The following BLK variants were observed in gnomAD, a reference collection of about 807,000 sequenced individuals.
The protein encoded by BLK is tyrosine-protein kinase Blk.
In BLK, 64 loss-of-function variants were observed where a neutral mutation model predicts 61.8. The observed-to-expected ratio is 1.03, with a 90% CI of 0.85 to 1.27. The LOEUF (loss-of-function observed/expected upper bound fraction) is 1.27, where lower values mean the gene tolerates loss of function less well. BLK is among the 50% of genes most tolerant of loss of function. The pLI, the probability that BLK is intolerant of heterozygous loss-of-function variation, is 0.00. For missense variants in BLK, 853 were observed against 660.5 expected, an observed-to-expected ratio of 1.29 and a Z score of -3.19; for synonymous variants, 351 against 272.0, an observed-to-expected ratio of 1.29 and a Z score of -2.86.
intron 1 of BLK, among the ~76,000 whole-genome samples, chr8:11,527,848 G>A (rs1799723756): frequency 6.6e-6 from 1 of 151,990 alleles, no homozygotes; most frequent in African/African-American, 2.4e-5. Flanking sequence ...GACCAAATGG[G>A]GGAGTCAGAA....
chr8:11,528,540 G>T (rs1799763576), intron 1 of BLK, among the ~76,000 whole-genome samples: 1 of 152,112 alleles, frequency 6.6e-6, no homozygotes, highest in Admixed American at 6.5e-5. Context: ...CAATCCTGAG[G>T]TGTTAGCTAC....
chr8:11,543,184 C>G (rs372864179), intron 1 of BLK, 40 bp from the exon 2 acceptor site: 2 of 1,612,464 alleles, frequency 1.2e-6, no homozygotes, highest in Non-Finnish European at 1.7e-6. Context: ...TCTGAGGCCC[C>G]GCTCTCTCAT....
chr8:11,543,084 C>T lies in BLK; in HGVS notation c.-1-140C>T, dbSNP rs79673669. 13,002 of 1,339,298 alleles carry T rather than the reference C, an allele frequency of 9.7e-3. 140 individuals are homozygous for T. The highest frequency in any genetic ancestry group is 0.037 in the Middle Eastern group (150 of 4,074). The allele number at this position is 1,339,298 out of a possible 1,614,324, so 83.0% of individuals were successfully genotyped here. On this transcript the variant is annotated intron_variant, in intron 1 of 12. Coordinates refer to ENST00000259089, the MANE Select transcript of BLK (RefSeq NM_001715.3). ...TCACCCACCCGCTTCTACCCACGTT[C>T]TGACTTTGAGGTCTTTGCTGCACCC...
chr8:11,558,509 G>T, intron 10 of BLK: 1 of 379,006 alleles, frequency 2.6e-6, no homozygotes, highest in Non-Finnish European at 5.2e-6. Context: ...CCAGGCTGAT[G>T]GGCAGGCCTG....
rs116468407 is a variant in BLK, at chr8:11,507,496, T to A, written c.-2+12905T>A. ...AGACACCACCCACCCTGAGGGCTTT[T>A]GGGAGCTTTTAAAAGAAGGCAAGTC... On this transcript the variant is annotated intron_variant, in intron 1 of 12. Coordinates refer to ENST00000259089, the MANE Select transcript of BLK (RefSeq NM_001715.3). Among the ~76,000 whole-genome samples the A allele has an allele frequency of 7.6e-3, 1,157 of 152,312 alleles. 17 individuals are homozygous for A. Among genetic ancestry groups the A allele is most frequent in the African/African-American group, 0.027 (1,104 of 41,576 alleles).
chr8:11,555,295 G>T, intron 7 of BLK, 37 bp from the exon 8 acceptor site: 1 of 1,613,642 alleles, frequency 6.2e-7, no homozygotes, highest in Non-Finnish European at 8.5e-7. Context: ...TGGCTGCTCT[G>T]GTAACCCCCA....
intron 1 of BLK, among the ~76,000 whole-genome samples, chr8:11,531,401 G>T (rs181281176): frequency 6.6e-6 from 1 of 152,114 alleles, no homozygotes; most frequent in Non-Finnish European, 1.5e-5. Flanking sequence ...GGTCACGTTT[G>T]TATGCTTCTG....
At chr8:11,515,590 C>T in intron 1 of BLK, among the ~76,000 whole-genome samples, 1 of 152,300 alleles carries the variant, frequency 6.6e-6, no homozygotes, top group Non-Finnish European at 1.5e-5. Flanking sequence ...CTCTATTTCC[C>T]CCTTCCTTCC....
chr8:11,521,192 A>G (rs573192927), intron 1 of BLK, among the ~76,000 whole-genome samples: 2 of 152,334 alleles, frequency 1.3e-5, no homozygotes, highest in Non-Finnish European at 2.9e-5. Flanking sequence ...AAAATTTATT[A>G]TCTAATATTT....
intron 1 of BLK, among the ~76,000 whole-genome samples, chr8:11,498,173 C>A (rs548930166): frequency 1.3e-5 from 2 of 152,310 alleles, no homozygotes; most frequent in African/African-American, 2.4e-5. Flanking sequence ...CAGTGGGAGG[C>A]AAACAAGACA....
intron 1 of BLK, among the ~76,000 whole-genome samples, chr8:11,494,847 T>C (rs1215320591): frequency 6.6e-6 from 1 of 152,244 alleles, no homozygotes; most frequent in East Asian, 1.9e-4. Context: ...AGGCAGTGAA[T>C]GTGCCACAGA....
At position 11,558,032 on chromosome 8, in the gene BLK, G is replaced by A. The variant is rs374987583; in HGVS notation, c.1023G>A (p.Ser341=). The change falls in exon 10 of 13, where the codon TCG becomes TCA. Residue 341 remains serine (S), a synonymous_variant. Transcript: ENST00000259089. ...CACTCCCAAGGCTGATTGACATGTC[G>A]GCGCAGGTTGGTGAAGTACCAGGTG... ...RLSLPRLIDM[S]AQIAEGMAYI... The A allele has an allele frequency of 1.1e-5, 18 of 1,613,892 alleles. No individual in the cohort carries two copies. Among genetic ancestry groups the A allele is most frequent in the South Asian group, 7.7e-5 (7 of 91,074 alleles).
chr8:11,561,201 T>A, intron 10 of BLK, 101 bp from the exon 11 acceptor site: 1 of 1,494,316 alleles, frequency 6.7e-7, no homozygotes, highest in Non-Finnish European at 9.1e-7. Context: ...AAACAGCTCC[T>A]TCCCCAGCAG....
At chr8:11,554,987 G>A in intron 7 of BLK, 98 bp downstream of exon 7, 1 of 1,518,478 alleles carries the variant, frequency 6.6e-7, no homozygotes, top group Admixed American at 1.9e-5. Flanking sequence ...TGCCACCTTG[G>A]GGGATGGAAA....
At chr8:11,559,431 ACT>A (rs1801382415) in intron 10 of BLK, among the ~76,000 whole-genome samples, 2 of 151,766 alleles carry the variant, frequency 1.3e-5, no homozygotes, top group African/African-American at 2.4e-5. Flanking sequence ...ACACACACAA[ACT>A]CACACAGACA....
intron 1 of BLK, among the ~76,000 whole-genome samples, chr8:11,502,309 T>G (rs918788593): frequency 2.6e-5 from 4 of 152,046 alleles, no homozygotes; most frequent in Non-Finnish European, 5.9e-5. Flanking sequence ...TTCTTTCTTT[T>G]TTATTTTTCT....
chr8:11,542,396 T>C (rs531127793), intron 1 of BLK, among the ~76,000 whole-genome samples: 3 of 152,318 alleles, frequency 2.0e-5, no homozygotes, highest in African/African-American at 7.2e-5. Flanking sequence ...CTCTATGATG[T>C]CTGCATCTCA....
chr8:11,544,258 C>G (rs926993112), intron 2 of BLK, among the ~76,000 whole-genome samples: 2 of 152,188 alleles, frequency 1.3e-5, no homozygotes, highest in Admixed American at 6.5e-5. Context: ...AGCATCCGTG[C>G]CGGGCCTGAA....
At chr8:11,560,901 C>A (rs766084734) in intron 10 of BLK, 13 of 468,704 alleles carry the variant, frequency 2.8e-5, no homozygotes, top group Admixed American at 1.4e-4. Context: ...AGCTGTGCTT[C>A]CAGCCAGCCA....
Sources: gnomAD v4.1 joint callset for allele counts (sites outside exome capture counted in the v4.1 genomes callset) on GRCh38, gnomAD v4.1.1 for gene constraint, MANE v1.5 for transcripts, NCBI Gene and HGNC (gene_info 2026-07-23, HGNC 2026-07-21) for gene names.